Variants in ZBTB44 observed in about 807,000 individuals in gnomAD.
ZBTB44 encodes zinc finger and BTB domain containing 44, also known as zinc finger and BTB domain-containing protein 44.
Under a neutral mutation model 54.0 loss-of-function variants are expected in ZBTB44, and 15 were observed. That is an observed-to-expected ratio of 0.28 (90% CI 0.19 to 0.43). The LOEUF (loss-of-function observed/expected upper bound fraction) is 0.43. Ranked by LOEUF, ZBTB44 falls within the 20% of genes least tolerant of loss-of-function variation. The pLI, the probability that ZBTB44 is intolerant of heterozygous loss-of-function variation, is 1.00. For synonymous variants in ZBTB44, 230 were observed against 250.1 expected (o/e 0.92, Z 0.76); for missense variants, 487 against 707.1 (o/e 0.69, Z 3.53).
chr11:130,289,170 A>G (rs1941152115), intron 1 of ZBTB44, among the ~76,000 whole-genome samples: 2 of 151,810 alleles, frequency 1.3e-5, no homozygotes, highest in Non-Finnish European at 2.9e-5. Flanking sequence ...TACCTGAACA[A>G]ATCTGCAACG....
At chr11:130,308,740 C>T (rs1942412676) in intron 1 of ZBTB44, among the ~76,000 whole-genome samples, 1 of 152,040 alleles carries the variant, frequency 6.6e-6, no homozygotes, top group African/African-American at 2.4e-5. Flanking sequence ...TTCTAAGAAC[C>T]TTGGGTAGTG....
rs571536822 is a variant in ZBTB44, at chr11:130,294,926, TAA to T, written c.-57+19447_-57+19448del. On this transcript the variant is annotated intron_variant, in intron 1 of 7. Coordinates refer to ENST00000357899, the MANE Select transcript of ZBTB44 (RefSeq NM_001301098.2). ...CATTTAAAGAGCTCCTTATTTTCCC[TAA>T]AGAGTTTTTAAGCGTCCACACCAAG... Among the ~76,000 whole-genome samples, 742 of 152,264 alleles carry T rather than the reference TAA, an allele frequency of 4.9e-3. 6 individuals are homozygous for T. Among genetic ancestry groups the T allele is most frequent in the African/African-American group, 0.017 (722 of 41,550 alleles).
intron 1 of ZBTB44, among the ~76,000 whole-genome samples, chr11:130,277,544 G>A (rs1337534007): frequency 6.6e-6 from 1 of 151,640 alleles, no homozygotes; most frequent in African/African-American, 2.4e-5. Context: ...GCTGTTACTG[G>A]CAGATATATT....
chr11:130,261,031 T>G lies in ZBTB44; in HGVS notation c.843A>C (p.Leu281Phe). ...TGACCCGGACATCTTCTTCGGTACC[T>G]AAAGGCAAGGTAGTTTTTGTGCTCT... ...TCESTKTTLP[L>F]GTEEDVRVKV... Residue 281 changes from leucine to phenylalanine, a missense_variant, in exon 2 of 8, where the codon TTA becomes TTC. Leu to Phe is a conservative substitution (Grantham distance 22, BLOSUM62 0). Transcript: ENST00000357899. This position sits in a 1 kb window ranked among gnomAD's most constrained non-coding sequence, Gnocchi z 4.8. 1 of 1,613,996 alleles carries G rather than the reference T, an allele frequency of 6.2e-7. No homozygotes were observed. Among genetic ancestry groups the G allele is most frequent in the Non-Finnish European group, 8.5e-7 (1 of 1,179,888 alleles).
At chr11:130,266,679 C>T (rs1028688083) in intron 1 of ZBTB44, among the ~76,000 whole-genome samples, 1 of 152,094 alleles carries the variant, frequency 6.6e-6, no homozygotes, top group African/African-American at 2.4e-5. Flanking sequence ...TTGAGAGGTT[C>T]AAGACTTTCA....
Position 130,229,891 on chromosome 11 carries a change from G to C in ZBTB44, c.*1873C>G, listed in dbSNP as rs1953813995. The stretch of plus-strand genomic sequence containing the variant: ...ACTTCACACTAGTTTTTTTTTCCCA[G>C]TTAGTATTAATATTTAGAAAATTTT... On this transcript the variant is annotated 3_prime_UTR_variant, in exon 8 of 8. Transcript: ENST00000357899. 1 of 151,720 alleles carries C rather than the reference G, an allele frequency of 6.6e-6. No individual in the cohort carries two copies. Among genetic ancestry groups the C allele is most frequent in the African/African-American group, 2.4e-5 (1 of 41,344 alleles). The allele number at this position is 151,720 out of a possible 1,614,324, so 9.4% of individuals were successfully genotyped here.
At chr11:130,241,804 G>C (rs1954375431) in intron 2 of ZBTB44, among the ~76,000 whole-genome samples, 1 of 151,982 alleles carries the variant, frequency 6.6e-6, no homozygotes, top group African/African-American at 2.4e-5. Context: ...ATCATGTTTT[G>C]TGCCTTATGT....
intron 1 of ZBTB44, among the ~76,000 whole-genome samples, chr11:130,272,485 T>C (rs1184884772): frequency 2.0e-5 from 3 of 152,224 alleles, no homozygotes; most frequent in Middle Eastern, 3.2e-3. Flanking sequence ...TCTTTATATA[T>C]TCTAGTTGTG....
intron 2 of ZBTB44, among the ~76,000 whole-genome samples, chr11:130,258,503 A>G (rs1214615560): frequency 6.6e-6 from 1 of 152,198 alleles, no homozygotes; most frequent in Non-Finnish European, 1.5e-5. Context: ...CCTTTAATGT[A>G]GACTCCTTAC....
chr11:130,248,661 C>CA (rs1341000376), intron 2 of ZBTB44, among the ~76,000 whole-genome samples: 1 of 151,842 alleles, frequency 6.6e-6, no homozygotes, highest in Non-Finnish European at 1.5e-5. Context: ...AAAAACAAAA[C>CA]AAAAAAACAC....
At chr11:130,238,084 C>T (rs1487882897) in intron 4 of ZBTB44, among the ~76,000 whole-genome samples, 2 of 152,166 alleles carry the variant, frequency 1.3e-5, no homozygotes, top group African/African-American at 2.4e-5. Context: ...CTTAAAGAGA[C>T]ATTATAAGAA....
At chr11:130,265,634 C>A (rs1258546820) in intron 1 of ZBTB44, among the ~76,000 whole-genome samples, 1 of 152,230 alleles carries the variant, frequency 6.6e-6, no homozygotes, top group Non-Finnish European at 1.5e-5. Context: ...AAAAGTGCTA[C>A]TCCAGTGCAC....
At chr11:130,247,402 C>G (rs1051351377) in intron 2 of ZBTB44, among the ~76,000 whole-genome samples, 2 of 152,174 alleles carry the variant, frequency 1.3e-5, no homozygotes, top group Non-Finnish European at 2.9e-5. Context: ...CTGAATTAAG[C>G]TCAAATAGTT....
At position 130,261,410 on chromosome 11, in the gene ZBTB44, G is replaced by C; in HGVS notation, c.464C>G (p.Ser155Cys). 1 of 1,613,994 alleles carries C rather than the reference G, an allele frequency of 6.2e-7. No individual in the cohort carries two copies. The highest frequency in any genetic ancestry group is 8.5e-7 in the Non-Finnish European group (1 of 1,179,902). ...CACGGGAGAAATGCTCCCATCTCGA[G>C]AAGTAAAATTGCAGTTAGAATTATT... ...QENNSNCNFTSRDGSISPVSS... is the reference protein window; with the variant it reads ...QENNSNCNFTCRDGSISPVSS... Residue 155 changes from serine (S) to cysteine (C), a missense_variant, in exon 2 of 8, where the codon TCT becomes TGT. By Grantham distance (112) the Ser-to-Cys change is moderately radical. Around this residue, in one of 3 missense-constraint regions of ZBTB44, gnomAD observed 277 missense variants for 306.5 expected, o/e 0.90. Transcript: ENST00000357899. This position sits in a 1 kb window ranked among gnomAD's most constrained non-coding sequence, Gnocchi z 4.8.
intron 1 of ZBTB44, chr11:130,296,074 T>C: frequency 6.3e-7 from 1 of 1,583,226 alleles, no homozygotes; most frequent in Non-Finnish European, 8.7e-7. Context: ...GGATGTTGGG[T>C]ATGAAGAGGA....
chr11:130,295,345 C>T (rs1371008588), intron 1 of ZBTB44, among the ~76,000 whole-genome samples: 2 of 152,056 alleles, frequency 1.3e-5, no homozygotes, highest in Non-Finnish European at 2.9e-5. Context: ...AGAAATCCAC[C>T]GTATTAACCA....
In ZBTB44 at chr11:130,276,463, C is replaced by T. The variant is rs11222023; in HGVS notation, c.-56-14534G>A. ...TTTTCTTTTTTTTTTGAGACAGAGT[C>T]TTGCTGTGTTGCCCAGGCTGGAGTG... On this transcript the variant is annotated intron_variant, in intron 1 of 7. Transcript: ENST00000357899. Among the ~76,000 whole-genome samples the T allele has an allele frequency of 8.1e-3, 1,182 of 145,424 alleles. 31 individuals carry two copies. Among genetic ancestry groups the T allele is most frequent in the East Asian group, 0.07 (355 of 5,058 alleles).
Position 130,230,463 on chromosome 11 carries a change from T to C in ZBTB44, c.*1301A>G, listed in dbSNP as rs930959543. On this transcript the variant is annotated 3_prime_UTR_variant, in exon 8 of 8. Transcript: ENST00000357899. The stretch of plus-strand genomic sequence containing the variant: ...AGTTATTAAGAACAAAGGGCATGTG[T>C]CGTAACAGGGGATCTAATTACTGTA... The C allele has an allele frequency of 2.1e-5, 3 of 145,340 alleles. No individual in the cohort carries two copies. In the Admixed American group the frequency reaches 2.1e-4, roughly 10 times the overall value. The allele number at this position is 145,340 out of a possible 1,614,324, so 9.0% of individuals were successfully genotyped here. A position where few individuals can be genotyped will look rare whatever the true frequency, so the allele number is the denominator to read the frequency against.
At chr11:130,309,692 C>T (rs943734111) in intron 1 of ZBTB44, among the ~76,000 whole-genome samples, 1 of 151,728 alleles carries the variant, frequency 6.6e-6, no homozygotes, top group Admixed American at 6.6e-5. Context: ...GTCAGGAGCT[C>T]GAGACCAGCC....
Sources: allele counts gnomAD v4.1 joint callset (sites outside exome capture counted in the v4.1 genomes callset), GRCh38; gene constraint gnomAD v4.1.1; regional missense constraint gnomAD v4.1.1; non-coding constraint Gnocchi (gnomAD v3.1); transcripts MANE v1.5; gene names NCBI Gene and HGNC (gene_info 2026-07-23, HGNC 2026-07-21).